Variants in CIZ1 observed in about 807,000 individuals in gnomAD.
CIZ1 encodes the protein cip1-interacting zinc finger protein.
A neutral mutation model predicts 118.6 loss-of-function variants in CIZ1; 58 were observed. The ratio of observed to expected loss-of-function variants is 0.49; its 90% CI spans 0.40 to 0.61. The LOEUF (loss-of-function observed/expected upper bound fraction) is 0.61, where lower values mean the gene tolerates loss of function less well. Ranked by LOEUF, CIZ1 falls within the 20% of genes least tolerant of loss-of-function variation. The probability of loss-of-function intolerance (pLI) is 0.00; values close to 1 mark genes in which losing one functional copy is unlikely to be tolerated. For synonymous variants in CIZ1, 448 were observed against 443.4 expected (o/e 1.01, Z -0.13); for missense variants, 921 against 1,115.9 (o/e 0.83, Z 2.49).
At chr9:128,194,695 G>C (rs752663156), upstream of CIZ1, among the ~76,000 whole-genome samples, 2 of 151,916 alleles carry the variant, frequency 1.3e-5, no homozygotes, top group Non-Finnish European at 2.9e-5. Flanking sequence ...GTGGGCACCT[G>C]TAATCCCAGC....
At chr9:128,176,623 C>T (rs952633119) in intron 10 of CIZ1, 148 bp from the exon 11 acceptor site, 2 of 822,932 alleles carry the variant, frequency 2.4e-6, no homozygotes, top group African/African-American at 1.7e-5. Context: ...CTAGAGCAGG[C>T]ATGATAAACT....
chr9:128,190,365 TGGAGCCGTTGA>T lies in CIZ1; in HGVS notation c.239_249del (p.Leu80HisfsTer25). The T allele has an allele frequency of 6.2e-7, 1 of 1,613,986 alleles. No individual in the cohort carries two copies. Among genetic ancestry groups the T allele is most frequent in the Non-Finnish European group, 8.5e-7 (1 of 1,179,904 alleles). On this transcript the variant is annotated frameshift_variant, in exon 3 of 17. Coordinates refer to ENST00000372938, the MANE Select transcript of CIZ1 (RefSeq NM_001131016.2). LOFTEE classifies it high-confidence loss of function. Reference sequence around the variant, plus strand: ...TGTAAAAGCAAAGCTCTCTGCAGCATGGAGCCGTTGAGGAGGGAGGCTGAGTTGGTGCCCTG... The same window carrying T: ...TGTAAAAGCAAAGCTCTCTGCAGCATGGAGGGAGGCTGAGTTGGTGCCCTG...
chr9:128,194,544 T>C (rs532205310), upstream of CIZ1, among the ~76,000 whole-genome samples: 107 of 152,116 alleles, frequency 7.0e-4, no homozygotes, highest in Middle Eastern at 3.4e-3. Flanking sequence ...CAGCTGGGCA[T>C]GGTGGCTCAC....
intron 5 of CIZ1, among the ~76,000 whole-genome samples, chr9:128,182,353 C>T (rs1831776389): frequency 6.6e-6 from 1 of 152,192 alleles, no homozygotes; most frequent in Non-Finnish European, 1.5e-5. Context: ...CTGGTCCCTA[C>T]AGGTCTCAAA....
intron 4 of CIZ1, among the ~76,000 whole-genome samples, chr9:128,186,274 A>G (rs1039262424): frequency 2.0e-5 from 3 of 151,986 alleles, no homozygotes; most frequent in Non-Finnish European, 4.4e-5. Flanking sequence ...TCTACCGATG[A>G]CAAAACGGAG....
chr9:128,171,457 G>C (rs1830109371), intron 11 of CIZ1, among the ~76,000 whole-genome samples: 1 of 151,868 alleles, frequency 6.6e-6, no homozygotes, highest in South Asian at 2.1e-4. Flanking sequence ...GCCGGGCACG[G>C]TGGCTCACGC....
At position 128,166,979 on chromosome 9, in the gene CIZ1, G is replaced by A. The variant is rs2130891928; in HGVS notation, c.2366-99C>T. 2 of 1,604,934 alleles carry A rather than the reference G, an allele frequency of 1.2e-6. No homozygotes were observed. The highest frequency in any genetic ancestry group is 2.2e-5 in the East Asian group (1 of 44,648). On this transcript the variant is annotated intron_variant, in intron 15 of 16. Transcript: ENST00000372938. The surrounding 1 kb of genome is among the most constrained non-coding windows in gnomAD (Gnocchi z 4.4). ...ATGTGCTCCCCAACCCTCTAGGCAG[G>A]GGCAGAAGAGAAGGCTTCCCAGCCA...
intron 4 of CIZ1, 74 bp downstream of exon 4, chr9:128,187,789 T>C (rs988277277): frequency 4.8e-6 from 2 of 412,682 alleles, no homozygotes; most frequent in Non-Finnish European, 8.9e-6. Context: ...ATTCATGACA[T>C]AGCTTCTTTT....
At chr9:128,200,278 G>A (rs1156470374) in intron 1 of CIZ1, 2 of 152,060 alleles carry the variant, frequency 1.3e-5, no homozygotes, top group African/African-American at 4.8e-5. Context: ...TCTCTAGGTG[G>A]GAGGATGACC....
upstream of CIZ1, among the ~76,000 whole-genome samples, chr9:128,196,696 C>G (rs1355767264): frequency 6.6e-5 from 10 of 151,840 alleles, no homozygotes; most frequent in Non-Finnish European, 1.5e-5. Context: ...CTCCACCTCC[C>G]GGGTTCAAGC....
Position 128,203,426 on chromosome 9 carries a change from G to T in CIZ1, c.-6+760C>A. ...GGCGGAGCCGGAGTCGGAGCCGGGA[G>T]CGCTAGCGGCAGCCGGATCGCAGCC... On this transcript the variant is annotated intron_variant, in intron 1 of 17. Coordinates refer to the CIZ1 transcript ENST00000372948. The surrounding 1 kb of genome is among the most constrained non-coding windows in gnomAD (Gnocchi z 5.3). 1 of 1,413,228 alleles carries T rather than the reference G, an allele frequency of 7.1e-7. No homozygotes were observed. 87.5% of individuals were successfully genotyped at this position (1,413,228 alleles called of 1,614,324 possible).
In CIZ1 at chr9:128,188,049, C is replaced by CAAAAA. The variant is rs34003070; in HGVS notation, c.287-120_287-116dup. On this transcript the variant is annotated intron_variant, in intron 3 of 16. Transcript: ENST00000372938. ...TTCATCCCAGGGTTACTTAAAACAG[C>CAAAAA]AAAAAAAAAAAAAAAACCCAAAACA... is the stretch of plus-strand genomic sequence containing the variant. 6 of 22,342 alleles carry CAAAAA rather than the reference C, an allele frequency of 2.7e-4. 1 individual carries two copies. Among genetic ancestry groups the CAAAAA allele is most frequent in the East Asian group, 5.6e-3 (2 of 360 alleles). The allele number at this position is 22,342 out of a possible 1,614,324, so 1.4% of individuals were successfully genotyped here.
intron 8 of CIZ1, 52 bp downstream of exon 8, chr9:128,178,657 C>A: frequency 6.3e-7 from 1 of 1,588,478 alleles, no homozygotes; most frequent in South Asian, 1.1e-5. Flanking sequence ...AATGAAGGGT[C>A]TGGGCAGAGC....
chr9:128,177,546 C>CAA lies in CIZ1; in HGVS notation c.1818+19_1818+20insTT. 1 of 1,353,448 alleles carries CAA rather than the reference C, an allele frequency of 7.4e-7. No individual in the cohort carries two copies. Among genetic ancestry groups the CAA allele is most frequent in the Non-Finnish European group, 9.9e-7 (1 of 1,013,750 alleles). The allele number at this position is 1,353,448 out of a possible 1,614,324, so 83.8% of individuals were successfully genotyped here. The stretch of plus-strand genomic sequence containing the variant: ...CACGCAGGCCCCACCCCTCCCCACC[C>CAA]TTATCTCCTGTATCAGTACCTGCTG... On this transcript the variant is annotated intron_variant, in intron 10 of 16. Transcript: ENST00000372938.
At chr9:128,172,375 TC>T (rs1172231460) in intron 11 of CIZ1, among the ~76,000 whole-genome samples, 1 of 151,816 alleles carries the variant, frequency 6.6e-6, no homozygotes, top group Non-Finnish European at 1.5e-5. Flanking sequence ...GCACCTGTAA[TC>T]CCAGCTACTT....
intron 11 of CIZ1, among the ~76,000 whole-genome samples, chr9:128,174,168 C>G (rs561225568): frequency 6.6e-6 from 1 of 152,198 alleles, no homozygotes; most frequent in African/African-American, 2.4e-5. Flanking sequence ...CCTGGGAACA[C>G]CCCCCTGCCT....
chr9:128,171,569 TAC>T (rs1830120567), intron 11 of CIZ1, among the ~76,000 whole-genome samples: 1 of 126,054 alleles, frequency 7.9e-6, no homozygotes. Context: ...CTACTAAGAA[TAC>T]AAAAAAAAAA....
intron 5 of CIZ1, among the ~76,000 whole-genome samples, chr9:128,183,241 C>T (rs1303153063): frequency 6.6e-6 from 1 of 152,216 alleles, no homozygotes; most frequent in Admixed American, 6.5e-5. Flanking sequence ...AGCTGTCACC[C>T]TGCACGAAAC....
chr9:128,173,989 G>C (rs1057175759), intron 11 of CIZ1, among the ~76,000 whole-genome samples: 7 of 150,510 alleles, frequency 4.7e-5, no homozygotes, highest in East Asian at 2.0e-4. Context: ...CTGGGTGACA[G>C]AGCGAGACTC....
Sources: allele counts gnomAD v4.1 joint callset (sites outside exome capture counted in the v4.1 genomes callset), GRCh38; gene constraint gnomAD v4.1.1; non-coding constraint Gnocchi (gnomAD v3.1); transcripts MANE v1.5; gene names NCBI Gene and HGNC (gene_info 2026-07-23, HGNC 2026-07-21).